ULK4: variants seen among roughly 807,000 people sequenced by gnomAD.
The protein encoded by ULK4 is unc-51 like kinase 4, also known as inactive serine/threonine-protein kinase ULK4.
Under a neutral mutation model 160.6 loss-of-function variants are expected in ULK4, and 133 were observed. That is an observed-to-expected ratio of 0.83 (90% confidence interval 0.72 to 0.96). The LOEUF (loss-of-function observed/expected upper bound fraction) is 0.96. Among genes scored for constraint, ULK4 ranks in the 40% least tolerant of loss-of-function variants. The probability of loss-of-function intolerance (pLI) is 0.00; values close to 1 mark genes in which losing one functional copy is unlikely to be tolerated. For missense variants in ULK4, 1,580 were observed against 1,499.5 expected, an observed-to-expected ratio of 1.05 and a Z score of -0.89; for synonymous variants, 534 against 539.8, an observed-to-expected ratio of 0.99 and a Z score of 0.15.
intron 13 of ULK4, among the ~76,000 whole-genome samples, chr3:41,899,524 T>C (rs1304123239): frequency 2.0e-5 from 3 of 152,222 alleles, no homozygotes; most frequent in South Asian, 2.1e-4. Flanking sequence ...CCGTAGCCCA[T>C]GGGCTGCATG....
At chr3:41,623,408 A>T (rs1485722837) in intron 30 of ULK4, among the ~76,000 whole-genome samples, 2 of 152,198 alleles carry the variant, frequency 1.3e-5, no homozygotes, top group Non-Finnish European at 2.9e-5. Flanking sequence ...GCAAAAAAAA[A>T]TGTGATTACT....
intron 35 of ULK4, among the ~76,000 whole-genome samples, chr3:41,364,884 C>A (rs1354026904): frequency 6.6e-6 from 1 of 152,134 alleles, no homozygotes. Context: ...TTCTCCAGAG[C>A]AGCATTTCTC....
intron 19 of ULK4, among the ~76,000 whole-genome samples, chr3:41,805,492 T>C (rs962485814): frequency 1.2e-4 from 19 of 152,030 alleles, no homozygotes; most frequent in African/African-American, 3.9e-4. Flanking sequence ...TCCTGCCTGA[T>C]TGCCCTGGCC....
intron 35 of ULK4, among the ~76,000 whole-genome samples, chr3:41,271,977 C>T (rs2079145201): frequency 6.6e-6 from 1 of 151,714 alleles, no homozygotes; most frequent in Admixed American, 6.6e-5. Flanking sequence ...AGTGCAGTGG[C>T]ATGATCGCGG....
intron 32 of ULK4, among the ~76,000 whole-genome samples, chr3:41,499,521 G>C (rs879347210): frequency 6.6e-6 from 1 of 152,122 alleles, no homozygotes; most frequent in Non-Finnish European, 1.5e-5. Flanking sequence ...CAAAATACGT[G>C]GTGGGCTCAC....
chr3:41,717,786 C>T lies in ULK4; in HGVS notation c.2397G>A (p.Leu799=), dbSNP rs749689655. 5.6e-6 allele frequency: 9 copies of T among 1,614,000 alleles called. No homozygotes were observed. Among genetic ancestry groups the T allele is most frequent in the African/African-American group, 1.3e-5 (1 of 74,916 alleles). The change falls in exon 23 of 37, where the codon CTG becomes CTA. Residue 799 remains leucine, a synonymous_variant. Transcript: ENST00000301831. ...AGATGAGAAGATCCAGGCATTTGGA[C>T]AGGTATTCATTGCCACTTTGCTGCT... ...GKEQQSGNEY[L]SKCLDLLICH...
intron 34 of ULK4, among the ~76,000 whole-genome samples, chr3:41,431,759 A>C (rs1168755777): frequency 3.3e-5 from 5 of 150,052 alleles, no homozygotes; most frequent in Admixed American, 2.7e-4. Context: ...CAGTTTTTAA[A>C]GATGCGACTA....
intron 30 of ULK4, among the ~76,000 whole-genome samples, chr3:41,646,354 T>C (rs570713685): frequency 1.4e-4 from 22 of 152,364 alleles, no homozygotes; most frequent in East Asian, 5.8e-4. Context: ...CCATGTTTAG[T>C]GCTTCCTTCA....
At chr3:41,944,439 A>T (rs1192389069) in intron 2 of ULK4, among the ~76,000 whole-genome samples, 2 of 152,082 alleles carry the variant, frequency 1.3e-5, no homozygotes, top group East Asian at 3.9e-4. Context: ...GATCCTGTCT[A>T]AAAAAACGTA....
At chr3:41,249,672 G>C in intron 35 of ULK4, 98 bp from the exon 36 acceptor site, 3 of 1,289,596 alleles carry the variant, frequency 2.3e-6, no homozygotes, top group Non-Finnish European at 3.2e-6. Flanking sequence ...GCATGGTGCT[G>C]TGGCTGCCTA....
At chr3:41,321,559 AGTT>A (rs1188475315) in intron 35 of ULK4, among the ~76,000 whole-genome samples, 21 of 152,102 alleles carry the variant, frequency 1.4e-4, no homozygotes, top group African/African-American at 4.8e-4. Context: ...ATGGTCAGGC[AGTT>A]GTTAACTGTC....
At chr3:41,852,748 AC>A (rs1238441596) in intron 17 of ULK4, among the ~76,000 whole-genome samples, 2 of 152,100 alleles carry the variant, frequency 1.3e-5, no homozygotes, top group Non-Finnish European at 2.9e-5. Flanking sequence ...CCTCGAAATG[AC>A]CTTTTGAAAT....
intron 9 of ULK4, among the ~76,000 whole-genome samples, chr3:41,912,328 CAAAA>C (rs1223106095): frequency 1.6e-4 from 14 of 88,246 alleles, no homozygotes; most frequent in South Asian, 4.0e-4. Context: ...GACGTTGTCT[CAAAA>C]AAAAAAAAAA....
At chr3:41,872,631 A>G (rs553624119) in intron 17 of ULK4, among the ~76,000 whole-genome samples, 35 of 146,718 alleles carry the variant, frequency 2.4e-4, no homozygotes, top group African/African-American at 9.2e-4. Flanking sequence ...TTTTGTTTTT[A>G]TATTCCATCC....
chr3:41,887,818 C>T (rs1393558027), intron 16 of ULK4, among the ~76,000 whole-genome samples: 5 of 150,022 alleles, frequency 3.3e-5, no homozygotes, highest in African/African-American at 9.9e-5. Flanking sequence ...AGTAAGACTC[C>T]GTCTCAAAAA....
chr3:41,824,636 C>A (rs143271155), intron 18 of ULK4, among the ~76,000 whole-genome samples: 1 of 151,994 alleles, frequency 6.6e-6, no homozygotes, highest in Non-Finnish European at 1.5e-5. Flanking sequence ...CTACCATTGC[C>A]GAGGCTTGAG....
At chr3:41,492,388 C>A (rs964680736) in intron 32 of ULK4, among the ~76,000 whole-genome samples, 2 of 132,016 alleles carry the variant, frequency 1.5e-5, no homozygotes, top group Non-Finnish European at 3.3e-5. Context: ...TCCTCCCCAG[C>A]ATCTGTTGTT....
chr3:41,603,009 G>T (rs898311119), intron 31 of ULK4, among the ~76,000 whole-genome samples: 5 of 151,886 alleles, frequency 3.3e-5, no homozygotes, highest in Admixed American at 2.0e-4. Flanking sequence ...AATATAAAAG[G>T]TCTAAATATA....
intron 35 of ULK4, among the ~76,000 whole-genome samples, chr3:41,329,936 A>C (rs775502938): frequency 5.3e-5 from 8 of 152,240 alleles, no homozygotes; most frequent in Non-Finnish European, 8.8e-5. Context: ...ACCTGAATTA[A>C]AATTCCCTAA....
Sources: gnomAD v4.1 joint callset for allele counts (sites outside exome capture counted in the v4.1 genomes callset) on GRCh38, gnomAD v4.1.1 for gene constraint, MANE v1.5 for transcripts, NCBI Gene and HGNC (gene_info 2026-07-23, HGNC 2026-07-21) for gene names.